Variants in ANKRD26 observed in about 807,000 individuals in gnomAD.
The protein encoded by ANKRD26 is ankyrin repeat domain-containing protein 26.
In ANKRD26, 141 loss-of-function variants were observed where a neutral mutation model predicts 208.7. The ratio of observed to expected loss-of-function variants is 0.68; its 90% CI spans 0.59 to 0.78. The LOEUF is 0.78. Ranked by LOEUF, ANKRD26 falls within the 30% of genes least tolerant of loss-of-function variation. The probability of loss-of-function intolerance (pLI) is 0.00; values close to 1 mark genes in which losing one functional copy is unlikely to be tolerated. For synonymous variants in ANKRD26, 636 were observed against 660.4 expected (o/e 0.96, Z 0.57); for missense variants, 1,889 against 1,938.7 (o/e 0.97, Z 0.48).
chr10:26,987,316 A>G (rs201277823), downstream of ANKRD26, among the ~76,000 whole-genome samples: 9 of 152,288 alleles, frequency 5.9e-5, no homozygotes, highest in East Asian at 1.7e-3. Flanking sequence ...GCATTAGGAG[A>G]TATACCTAAT....
intron 5 of ANKRD26, among the ~76,000 whole-genome samples, chr10:27,085,929 TTC>T (rs2056099582): frequency 6.6e-6 from 1 of 151,970 alleles, no homozygotes; most frequent in African/African-American, 2.4e-5. Context: ...TAATCATAAT[TTC>T]TTTCTTGTAG....
chr10:27,035,507 C>A lies in ANKRD26; in HGVS notation c.2943G>T (p.Leu981=). The A allele has an allele frequency of 6.2e-7, 1 of 1,613,952 alleles. No individual in the cohort carries two copies. Reference sequence around the variant, plus strand: ...AATTTAGCATTGCATTCTCAGCTGTCAGAACACTAAGCCGTCCATTATACT... The same window carrying A: ...AATTTAGCATTGCATTCTCAGCTGTAAGAACACTAAGCCGTCCATTATACT... ...ISQYNGRLSV[L]TAENAMLNSK... The change falls in exon 24 of 34, where the codon CTG becomes CTT. Residue 981 remains leucine (L), a synonymous_variant. Transcript: ENST00000376087.
intron 27 of ANKRD26, among the ~76,000 whole-genome samples, chr10:27,026,966 A>G (rs2053679538): frequency 1.3e-5 from 2 of 152,128 alleles, no homozygotes; most frequent in South Asian, 4.1e-4. Flanking sequence ...TTGTATTTAC[A>G]GTAGAGACAG....
Position 27,005,439 on chromosome 10 carries a change from G to A in ANKRD26, c.*151C>T, listed in dbSNP as rs570729257. ...CAAAATCCACTTAAAAGTTAAAGAA[G>A]CCAAGTAACATTGTTTAAAATACTA... On this transcript the variant is annotated 3_prime_UTR_variant, in exon 34 of 34. Transcript: ENST00000376087. 3.1e-4 allele frequency: 429 copies of A among 1,384,716 alleles called. No individual in the cohort carries two copies. Among genetic ancestry groups the A allele is most frequent in the Non-Finnish European group, 3.9e-4 (421 of 1,072,636 alleles). The allele number at this position is 1,384,716 out of a possible 1,614,324, so 85.8% of individuals were successfully genotyped here.
rs61459601 is a variant in ANKRD26, at chr10:26,992,469, T to TACACACACAC, written c.*30-474_*30-465dup. Reference sequence around the variant, plus strand: ...AAAAGAAAGATAAAATACACACACGTACACACACACACACACACACACACA... The same window carrying TACACACACAC: ...AAAAGAAAGATAAAATACACACACGTACACACACACACACACACACACACACACACACACA... On this transcript the variant is annotated intron_variant, in intron 5 of 5. Coordinates refer to the ANKRD26 transcript ENST00000445828. Among the ~76,000 whole-genome samples the TACACACACAC allele has an allele frequency of 2.8e-3, 376 of 136,384 alleles. 3 individuals carry two copies. Among genetic ancestry groups the TACACACACAC allele is most frequent in the Non-Finnish European group, 4.3e-3 (270 of 62,172 alleles). The allele number at this position is 136,384 out of a possible 152,430, so 89.5% of individuals were successfully genotyped here.
chr10:27,093,652 C>T (rs771269426), intron 2 of ANKRD26, 33 bp downstream of exon 2: 1 of 1,602,972 alleles, frequency 6.2e-7, no homozygotes, highest in Non-Finnish European at 8.5e-7. Context: ...AAGTCAAATC[C>T]ATCTGATGCT....
intron 1 of ANKRD26, among the ~76,000 whole-genome samples, chr10:27,096,869 T>A (rs182104138): frequency 2.4e-4 from 37 of 151,922 alleles, no homozygotes; most frequent in Non-Finnish European, 4.9e-4. Flanking sequence ...CCACATTTTA[T>A]TAAAATACTA....
chr10:27,055,415 TG>T (rs2054805888), intron 15 of ANKRD26, among the ~76,000 whole-genome samples: 1 of 152,174 alleles, frequency 6.6e-6, no homozygotes, highest in Non-Finnish European at 1.5e-5. Flanking sequence ...AGGGGATAAC[TG>T]ATCATCTTCT....
At chr10:27,091,478 A>G (rs2056297998) in intron 4 of ANKRD26, among the ~76,000 whole-genome samples, 2 of 152,214 alleles carry the variant, frequency 1.3e-5, no homozygotes, top group Non-Finnish European at 2.9e-5. Flanking sequence ...AGAAATAGAA[A>G]AGGAAAAAAA....
At chr10:27,009,367 G>C (rs1478555695) in intron 32 of ANKRD26, among the ~76,000 whole-genome samples, 1 of 152,166 alleles carries the variant, frequency 6.6e-6, no homozygotes, top group Non-Finnish European at 1.5e-5. Flanking sequence ...TATATTAAAA[G>C]TGAAAACTGG....
At chr10:26,960,214 C>T in the ANKRD26 span, among the ~76,000 whole-genome samples, 1 of 152,058 alleles carries the variant, frequency 6.6e-6, no homozygotes, top group African/African-American at 2.4e-5. Flanking sequence ...CCCGTGATTG[C>T]CTGAAGCAAA....
At chr10:27,066,373 T>C in intron 11 of ANKRD26, 114 bp downstream of exon 11, 1 of 658,080 alleles carries the variant, frequency 1.5e-6, no homozygotes. Flanking sequence ...TATAAGAAAG[T>C]AGTTCCTTAT....
At chr10:26,986,762 T>G (rs1307132963) in intron 3 of ANKRD26, among the ~76,000 whole-genome samples, 2 of 152,334 alleles carry the variant, frequency 1.3e-5, no homozygotes, top group South Asian at 4.1e-4. Context: ...ATGGTGATCA[T>G]TAAAAAGTCA....
chr10:27,017,516 T>C lies in ANKRD26; in HGVS notation c.4492A>G (p.Asn1498Asp). The change falls in exon 30 of 34, where the codon AAT becomes GAT. Residue 1498 changes from asparagine (N) to aspartate (D), a missense_variant. Physicochemically the swap from Asn to Asp is conservative, Grantham distance 23 (BLOSUM62 1). Coordinates refer to ENST00000376087, the MANE Select transcript of ANKRD26 (RefSeq NM_014915.3). The stretch of plus-strand genomic sequence containing the variant: ...CATAAGCTAACCTGTAAAAATAGAT[T>C]GACTTCTTTTAATTTTTCTGCTATT... ...QEIAEKLKEV[N>D]LFLQAQAASQ... is the part of the protein sequence containing the mutation. 2 of 1,613,520 alleles carry C rather than the reference T, an allele frequency of 1.2e-6. No individual in the cohort carries two copies. Among genetic ancestry groups the C allele is most frequent in the Non-Finnish European group, 8.5e-7 (1 of 1,179,794 alleles).
exon 6 of ANKRD26, among the ~76,000 whole-genome samples, chr10:26,975,294 T>A (rs1235636022): frequency 1.3e-5 from 2 of 151,902 alleles, no homozygotes; most frequent in African/African-American, 4.8e-5. Flanking sequence ...GGTGGTGTGA[T>A]CATAGCTCAC....
At chr10:26,948,020 C>T in the ANKRD26 span, among the ~76,000 whole-genome samples, 1 of 152,106 alleles carries the variant, frequency 6.6e-6, no homozygotes, top group Non-Finnish European at 1.5e-5. Context: ...CGGCTCACTG[C>T]GTCCTCCACA....
chr10:27,037,994 A>C lies in ANKRD26; in HGVS notation c.2436T>G (p.Ile812Met), dbSNP rs2054099278. 2 of 1,612,602 alleles carry C rather than the reference A, an allele frequency of 1.2e-6. No individual in the cohort carries two copies. Among genetic ancestry groups the C allele is most frequent in the Admixed American group, 3.3e-5 (2 of 59,958 alleles). Residue 812 changes from isoleucine (I) to methionine (M), a missense_variant, in exon 22 of 34, where the codon ATT becomes ATG. Transcript: ENST00000376087. ...RRNADTLYEK[I>M]REQLRRKEEQ... is the part of the protein sequence containing the mutation. ...CTTCTTTTCTTCTTAACTGTTCCCTAATTTTTTCATACAACGTATCAGCAT... is the reference window on the plus strand; with the variant it reads ...CTTCTTTTCTTCTTAACTGTTCCCTCATTTTTTCATACAACGTATCAGCAT...
rs1408118552 is a variant in ANKRD26, at chr10:27,061,158, G to A, written c.1448C>T (p.Pro483Leu). 2 of 1,609,858 alleles carry A rather than the reference G, an allele frequency of 1.2e-6. No homozygotes were observed. The highest frequency in any genetic ancestry group is 8.5e-7 in the Non-Finnish European group (1 of 1,176,682). The stretch of plus-strand genomic sequence containing the variant: ...TTTTTCCATACCCATGTGGGCTACT[G>A]GCATGCCTACATTTCTTGTATCCTC... The part of the protein sequence containing the change: ...KLEDTRNVGM[P>L]VAHMESPERY... Residue 483 changes from proline (P) to leucine (L), a missense_variant, in exon 13 of 34, where the codon CCA (proline) becomes CTA (leucine). Around this residue, in one of 3 missense-constraint regions of ANKRD26, gnomAD observed 1,272 missense variants for 1,273.8 expected, o/e 1.00. Transcript: ENST00000376087.
chr10:26,972,055 GA>G (rs1409200150), downstream of ANKRD26, among the ~76,000 whole-genome samples: 2 of 151,978 alleles, frequency 1.3e-5, no homozygotes, highest in East Asian at 1.9e-4. Flanking sequence ...CTAACACGGT[GA>G]AACCCCGTCT....
Sources: allele counts gnomAD v4.1 joint callset (sites outside exome capture counted in the v4.1 genomes callset), GRCh38; gene constraint gnomAD v4.1.1; regional missense constraint gnomAD v4.1.1; transcripts MANE v1.5; gene names NCBI Gene and HGNC (gene_info 2026-07-23, HGNC 2026-07-21).